Variants in RALYL observed in about 807,000 individuals in gnomAD.
RALYL encodes the protein RALY RNA binding protein like, also known as RNA-binding Raly-like protein.
Under a neutral mutation model 35.1 loss-of-function variants are expected in RALYL, and 29 were observed. The observed-to-expected ratio is 0.83, with a 90% CI of 0.61 to 1.13. The LOEUF is 1.13. Among genes scored for constraint, RALYL ranks in the 50% most tolerant of loss-of-function variants. The pLI, the probability that RALYL is intolerant of heterozygous loss-of-function variation, is 0.00. For missense variants in RALYL, 359 were observed against 360.4 expected (o/e 1.00, Z 0.03); for synonymous variants, 120 against 127.6 (o/e 0.94, Z 0.40).
Position 84,342,277 on chromosome 8 carries a change from A to AATATATATATATATATATATATATAT in RALYL, c.-24+157872_-24+157873insTATATATATATATATATATATATATA, listed in dbSNP as rs57901276. On this transcript the variant is annotated intron_variant, in intron 1 of 8. Coordinates refer to ENST00000521268, the MANE Select transcript of RALYL (RefSeq NM_173848.7). ...TGAGTGAGGGTACAGAGCATCGTTCAATATATATATATATATATAAAACTC... is the reference window on the plus strand; with the variant it reads ...TGAGTGAGGGTACAGAGCATCGTTCAATATATATATATATATATATATATATATATATATATATATATATAAAACTC... 4.7e-3 allele frequency among the ~76,000 whole-genome samples: 307 copies of AATATATATATATATATATATATATAT among 66,016 alleles called. 30 individuals carry two copies. Among genetic ancestry groups the AATATATATATATATATATATATATAT allele is most frequent in the African/African-American group, 0.017 (221 of 13,256 alleles). 43.3% of individuals were successfully genotyped at this position (66,016 alleles called of 152,430 possible).
At chr8:84,639,873 C>CA (rs1448771291) in intron 2 of RALYL, among the ~76,000 whole-genome samples, 2 of 151,816 alleles carry the variant, frequency 1.3e-5, no homozygotes, top group South Asian at 2.1e-4. Context: ...ATCCAGAAGC[C>CA]AAAAAATAAG....
intron 4 of RALYL, among the ~76,000 whole-genome samples, chr8:84,806,201 C>T (rs1824556468): frequency 6.6e-6 from 1 of 152,118 alleles, no homozygotes; most frequent in African/African-American, 2.4e-5. Flanking sequence ...GGAATATATG[C>T]ATTTATTTGA....
chr8:84,424,338 G>A (rs1201485741), intron 1 of RALYL, among the ~76,000 whole-genome samples: 16 of 99,516 alleles, frequency 1.6e-4, no homozygotes, highest in Admixed American at 4.9e-4. Context: ...CCAGTTGATC[G>A]CATTGGCTCC....
chr8:84,855,323 C>A (rs189366273), intron 5 of RALYL, among the ~76,000 whole-genome samples: 1 of 152,284 alleles, frequency 6.6e-6, no homozygotes, highest in Admixed American at 6.5e-5. Flanking sequence ...TAACATATGT[C>A]CACATTATAT....
chr8:84,800,268 G>A (rs916676027), intron 3 of RALYL, among the ~76,000 whole-genome samples: 29 of 152,138 alleles, frequency 1.9e-4, no homozygotes, highest in Non-Finnish European at 3.4e-4. Flanking sequence ...TCAAATCCCA[G>A]CTCAACCACT....
At chr8:84,324,128 A>G (rs1845373177) in intron 1 of RALYL, among the ~76,000 whole-genome samples, 2 of 152,018 alleles carry the variant, frequency 1.3e-5, no homozygotes, top group Non-Finnish European at 2.9e-5. Flanking sequence ...CAAGTATTCT[A>G]ATGTATCTTA....
chr8:84,443,735 T>G (rs2133030120), intron 1 of RALYL, among the ~76,000 whole-genome samples: 1 of 152,210 alleles, frequency 6.6e-6, no homozygotes, highest in East Asian at 1.9e-4. Context: ...ATCTTCTTCT[T>G]TGAATTTATC....
chr8:84,758,483 G>C (rs1007125285), intron 2 of RALYL, among the ~76,000 whole-genome samples: 5 of 152,196 alleles, frequency 3.3e-5, no homozygotes, highest in African/African-American at 1.2e-4. Flanking sequence ...TTTTGGGTTA[G>C]AGTCTCTCCT....
intron 1 of RALYL, chr8:84,184,855 C>G: frequency 2.1e-6 from 2 of 972,092 alleles, no homozygotes; most frequent in South Asian, 2.7e-5. Context: ...TCAGAGCACC[C>G]GGGAGATGGG....
intron 1 of RALYL, among the ~76,000 whole-genome samples, chr8:84,203,004 A>T (rs2131035115): frequency 6.6e-6 from 1 of 152,310 alleles, no homozygotes; most frequent in Admixed American, 6.5e-5. Flanking sequence ...TAGAGAGATC[A>T]GTCCCTCATG....
intron 1 of RALYL, among the ~76,000 whole-genome samples, chr8:84,489,975 TA>T: frequency 6.6e-6 from 1 of 151,964 alleles, no homozygotes; most frequent in East Asian, 1.9e-4. Context: ...AAAGTTTTTC[TA>T]AAGATAAAGA....
intron 1 of RALYL, among the ~76,000 whole-genome samples, chr8:84,469,391 A>T (rs2052324697): frequency 6.6e-6 from 1 of 152,006 alleles, no homozygotes; most frequent in Non-Finnish European, 1.5e-5. Context: ...GGTCTGTTGG[A>T]GTACCCTGCC....
chr8:84,520,248 A>G (rs905086160), intron 1 of RALYL, among the ~76,000 whole-genome samples: 1 of 152,196 alleles, frequency 6.6e-6, no homozygotes, highest in Non-Finnish European at 1.5e-5. Flanking sequence ...TTTAGACAAT[A>G]TGTATGATTT....
chr8:84,712,637 A>G (rs1228656619), intron 2 of RALYL, among the ~76,000 whole-genome samples: 1 of 152,014 alleles, frequency 6.6e-6, no homozygotes, highest in Non-Finnish European at 1.5e-5. Flanking sequence ...CTCTTCTAAG[A>G]ATCTGTGCTG....
intron 2 of RALYL, among the ~76,000 whole-genome samples, chr8:84,654,210 A>G (rs1048166058): frequency 6.9e-6 from 1 of 145,320 alleles, no homozygotes; most frequent in Non-Finnish European, 1.5e-5. Flanking sequence ...CAACATGTAC[A>G]TGTATAAAAT....
Position 84,481,851 on chromosome 8 carries a change from C to A in RALYL, c.-23-47448C>A, listed in dbSNP as rs188443052. Among the ~76,000 whole-genome samples, 582 of 152,092 alleles carry A rather than the reference C, an allele frequency of 3.8e-3. 4 individuals carry two copies. Among genetic ancestry groups the A allele is most frequent in the African/African-American group, 0.013 (552 of 41,510 alleles). On this transcript the variant is annotated intron_variant, in intron 1 of 8. Transcript: ENST00000521268. Reference sequence around the variant, plus strand: ...CACTGGGAATTGACAAGAAAATATTCTCAGTGGTAGAAATGTTCTATATTG... The same window carrying A: ...CACTGGGAATTGACAAGAAAATATTATCAGTGGTAGAAATGTTCTATATTG...
At chr8:84,637,250 G>A (rs1825256637) in intron 2 of RALYL, among the ~76,000 whole-genome samples, 1 of 151,820 alleles carries the variant, frequency 6.6e-6, no homozygotes, top group Admixed American at 6.6e-5. Flanking sequence ...TTTATTCTAG[G>A]ACAGTTTTGC....
At chr8:84,436,548 T>A (rs1372767310) in intron 1 of RALYL, among the ~76,000 whole-genome samples, 1 of 87,308 alleles carries the variant, frequency 1.1e-5, no homozygotes, top group Non-Finnish European at 2.5e-5. Flanking sequence ...TGGGAGTTTT[T>A]TTTTTTTTTT....
intron 2 of RALYL, among the ~76,000 whole-genome samples, chr8:84,683,334 G>C (rs908554089): frequency 3.3e-5 from 5 of 151,986 alleles, no homozygotes; most frequent in Admixed American, 1.3e-4. Context: ...TTGGGGTGGA[G>C]AGTTCTGTAG....
Sources: allele counts gnomAD v4.1 joint callset (sites outside exome capture counted in the v4.1 genomes callset), GRCh38; gene constraint gnomAD v4.1.1; transcripts MANE v1.5; gene names NCBI Gene and HGNC (gene_info 2026-07-23, HGNC 2026-07-21).